BCO1: variants seen among roughly 807,000 people sequenced by gnomAD.
BCO1 encodes the protein beta-carotene oxygenase 1.
In BCO1, 54 loss-of-function variants were observed where a neutral mutation model predicts 56.3. The observed-to-expected ratio is 0.96, with a 90% CI of 0.77 to 1.20. The LOEUF is 1.20. Ranked by LOEUF, BCO1 falls within the 50% of genes most tolerant of loss-of-function variation. BCO1 has a pLI of 0.00. For synonymous variants in BCO1, 318 were observed against 266.1 expected, an observed-to-expected ratio of 1.20 and a Z score of -1.90; for missense variants, 801 against 690.9, an observed-to-expected ratio of 1.16 and a Z score of -1.79.
chr16:81,280,252 A>G (rs965856183), intron 7 of BCO1, among the ~76,000 whole-genome samples: 1 of 120,644 alleles, frequency 8.3e-6, no homozygotes, highest in Admixed American at 1.1e-4. Context: ...TCTGGGCAAC[A>G]GAGTGAGACT....
chr16:81,283,085 T>A (rs1274224819), intron 8 of BCO1, among the ~76,000 whole-genome samples: 1 of 152,174 alleles, frequency 6.6e-6, no homozygotes, highest in South Asian at 2.1e-4. Flanking sequence ...CCAGAGCCCA[T>A]TGCCTCTGCA....
At chr16:81,239,605 T>A (rs1374253815) in intron 1 of BCO1, among the ~76,000 whole-genome samples, 1 of 152,138 alleles carries the variant, frequency 6.6e-6, no homozygotes, top group Non-Finnish European at 1.5e-5. Context: ...AATGTATGCA[T>A]TCTAAATTAG....
At chr16:81,261,036 T>A (rs1906452238) in intron 3 of BCO1, among the ~76,000 whole-genome samples, 1 of 152,186 alleles carries the variant, frequency 6.6e-6, no homozygotes, top group South Asian at 2.1e-4. Context: ...AGTATCCAGC[T>A]CTAGGGCTAG....
intron 7 of BCO1, among the ~76,000 whole-genome samples, chr16:81,274,116 G>A (rs911665546): frequency 2.0e-5 from 3 of 152,148 alleles, no homozygotes; most frequent in Non-Finnish European, 4.4e-5. Context: ...TAAGTCTCAA[G>A]GCTGACCTCA....
At chr16:81,244,365 A>C (rs986312196) in intron 1 of BCO1, among the ~76,000 whole-genome samples, 6 of 152,022 alleles carry the variant, frequency 3.9e-5, no homozygotes, top group Admixed American at 1.3e-4. Flanking sequence ...ATTTTAACAC[A>C]ACAAATCCAA....
chr16:81,278,118 T>G (rs1907664140), intron 7 of BCO1, among the ~76,000 whole-genome samples: 2 of 152,122 alleles, frequency 1.3e-5, no homozygotes, highest in South Asian at 2.1e-4. Context: ...CTCGGCTCAT[T>G]GCAACCTCCG....
intron 7 of BCO1, among the ~76,000 whole-genome samples, chr16:81,279,183 G>C (rs1191289599): frequency 1.3e-5 from 2 of 152,152 alleles, no homozygotes; most frequent in African/African-American, 2.4e-5. Context: ...GGAGGCTGAG[G>C]TGGAAGGATC....
intron 2 of BCO1, among the ~76,000 whole-genome samples, chr16:81,246,837 C>G (rs559536057): frequency 1.0e-5 from 1 of 99,048 alleles, no homozygotes; most frequent in Non-Finnish European, 2.3e-5. Context: ...GGAGACAGAG[C>G]CAGACTTTGT....
chr16:81,239,035 G>C, intron 1 of BCO1, 63 bp downstream of exon 1: 4 of 1,089,462 alleles, frequency 3.7e-6, no homozygotes, highest in Non-Finnish European at 5.1e-6. Flanking sequence ...TTTTTTTTTT[G>C]AGGCGGAGTC....
At chr16:81,239,522 C>T (rs766961592) in intron 1 of BCO1, among the ~76,000 whole-genome samples, 7 of 152,016 alleles carry the variant, frequency 4.6e-5, no homozygotes, top group Non-Finnish European at 1.0e-4. Context: ...ATTGGAATGC[C>T]CCAGTGGGTA....
intron 2 of BCO1, among the ~76,000 whole-genome samples, chr16:81,249,928 G>A (rs921644555): frequency 2.0e-5 from 3 of 152,176 alleles, no homozygotes; most frequent in African/African-American, 7.2e-5. Context: ...CATCTAGCAT[G>A]GGGCCTGGCC....
At chr16:81,250,778 G>A (rs897641829) in intron 2 of BCO1, among the ~76,000 whole-genome samples, 3 of 151,784 alleles carry the variant, frequency 2.0e-5, no homozygotes, top group African/African-American at 7.3e-5. Context: ...ATAGGGTCTC[G>A]CCATGTTGGC....
intron 8 of BCO1, among the ~76,000 whole-genome samples, chr16:81,281,731 C>G (rs1439269225): frequency 6.6e-6 from 1 of 152,196 alleles, no homozygotes; most frequent in East Asian, 1.9e-4. Context: ...CCATCGCCAT[C>G]TGGGGCTGGG....
chr16:81,262,413 C>T (rs972596807), intron 4 of BCO1, 130 bp downstream of exon 4: 11 of 931,490 alleles, frequency 1.2e-5, no homozygotes, highest in African/African-American at 8.2e-5. Context: ...CGTTGGATCC[C>T]GTGCCCTAGC....
In BCO1 at chr16:81,268,099, G is replaced by A; in HGVS notation, c.811G>A (p.Ala271Thr). 1 of 1,610,996 alleles carries A rather than the reference G, an allele frequency of 6.2e-7. No individual in the cohort carries two copies. The highest frequency in any genetic ancestry group is 8.5e-7 in the Non-Finnish European group (1 of 1,179,980). The change falls in exon 6 of 11, where the codon GCC becomes ACC. Residue 271 changes from alanine (A) to threonine (T), a missense_variant. Transcript: ENST00000258168. Reference sequence around the variant, plus strand: ...CGCATACATCCGGAGAATGAGCTGGGCCTCCTGCCTGGCTTTCCACAGGGA... The same window carrying A: ...CGCATACATCCGGAGAATGAGCTGGACCTCCTGCCTGGCTTTCCACAGGGA... ...ATAYIRRMSW[A>T]SCLAFHREEK...
At chr16:81,245,939 G>A (rs992856468) in intron 2 of BCO1, among the ~76,000 whole-genome samples, 5 of 134,390 alleles carry the variant, frequency 3.7e-5, no homozygotes, top group African/African-American at 1.4e-4. Context: ...CTTGACTCAC[G>A]GCAACCTGCA....
chr16:81,252,989 A>T (rs529356041), intron 2 of BCO1, among the ~76,000 whole-genome samples: 1 of 152,220 alleles, frequency 6.6e-6, no homozygotes, highest in East Asian at 1.9e-4. Flanking sequence ...GGCACCTGTC[A>T]TGCCACCTAC....
chr16:81,244,246 C>A (rs915079752), intron 1 of BCO1, among the ~76,000 whole-genome samples: 4 of 152,210 alleles, frequency 2.6e-5, no homozygotes. Flanking sequence ...GCCTCTAGAG[C>A]AGGGCTGTCC....
At chr16:81,256,024 C>G (rs571424793) in intron 2 of BCO1, among the ~76,000 whole-genome samples, 1 of 152,048 alleles carries the variant, frequency 6.6e-6, no homozygotes. Flanking sequence ...CCATGTTGGC[C>G]AGGCTGGTCT....
Sources: allele counts gnomAD v4.1 joint callset (sites outside exome capture counted in the v4.1 genomes callset), GRCh38; gene constraint gnomAD v4.1.1; transcripts MANE v1.5; gene names NCBI Gene and HGNC (gene_info 2026-07-23, HGNC 2026-07-21).